ARHGAP10: variants seen among roughly 807,000 people sequenced by gnomAD.
ARHGAP10 encodes rho GTPase-activating protein 10.
ARHGAP10 carries 87 observed loss-of-function variants against 108.6 expected under a neutral mutation model. The ratio of observed to expected loss-of-function variants is 0.80; its 90% CI spans 0.67 to 0.96. ARHGAP10 has a LOEUF of 0.96. ARHGAP10 is among the 40% of genes least tolerant of loss of function. The probability of loss-of-function intolerance (pLI) is 0.00; values close to 1 mark genes in which losing one functional copy is unlikely to be tolerated. For missense variants in ARHGAP10, 939 were observed against 954.5 expected, an observed-to-expected ratio of 0.98 and a Z score of 0.21; for synonymous variants, 347 against 341.1, an observed-to-expected ratio of 1.02 and a Z score of -0.19.
intron 13 of ARHGAP10, among the ~76,000 whole-genome samples, chr4:147,919,942 G>A (rs964331022): frequency 9.2e-5 from 14 of 152,112 alleles, no homozygotes; most frequent in Admixed American, 4.6e-4. Context: ...ATTGGATGTG[G>A]ACTGGGAAGT....
chr4:147,808,692 G>T (rs907281388), intron 1 of ARHGAP10, among the ~76,000 whole-genome samples: 1 of 152,046 alleles, frequency 6.6e-6, no homozygotes, highest in Non-Finnish European at 1.5e-5. Context: ...AGCATGATTT[G>T]TCATAGAATG....
chr4:147,926,292 G>A (rs1737458656), intron 13 of ARHGAP10, among the ~76,000 whole-genome samples: 1 of 152,174 alleles, frequency 6.6e-6, no homozygotes, highest in African/African-American at 2.4e-5. Flanking sequence ...GCGGTTGCTT[G>A]AATTTGGGGA....
intron 13 of ARHGAP10, among the ~76,000 whole-genome samples, chr4:147,936,369 T>C (rs2575591): frequency 0.95 from 128,438 of 135,188 alleles, 61,011 homozygotes; most frequent in Admixed American, 0.97. Flanking sequence ...TCGCCCAGGC[T>C]GGACTGCGGA....
intron 13 of ARHGAP10, among the ~76,000 whole-genome samples, chr4:147,914,715 T>TA (rs1210356402): frequency 6.6e-6 from 1 of 152,232 alleles, no homozygotes; most frequent in East Asian, 1.9e-4. Flanking sequence ...TATTGCCTGG[T>TA]AGTATTCCAT....
At chr4:148,021,635 C>A (rs1741571638) in intron 18 of ARHGAP10, among the ~76,000 whole-genome samples, 1 of 152,108 alleles carries the variant, frequency 6.6e-6, no homozygotes, top group Non-Finnish European at 1.5e-5. Flanking sequence ...TGTTATCGGA[C>A]TTCTCAATTT....
At chr4:148,057,107 A>G (rs1729399275) in intron 20 of ARHGAP10, among the ~76,000 whole-genome samples, 1 of 152,198 alleles carries the variant, frequency 6.6e-6, no homozygotes, top group Admixed American at 6.5e-5. Context: ...CTCGTAAGTC[A>G]TTCGCTTCCT....
At chr4:147,803,278 G>A (rs1731653086) in intron 1 of ARHGAP10, among the ~76,000 whole-genome samples, 1 of 152,074 alleles carries the variant, frequency 6.6e-6, no homozygotes, top group South Asian at 2.1e-4. Context: ...CAAAGTGCTG[G>A]GATTACAGGC....
At position 148,032,705 on chromosome 4, in the gene ARHGAP10, G is replaced by A. The variant is rs1578809264; in HGVS notation, c.1867+9292G>A. Among the ~76,000 whole-genome samples the A allele has an allele frequency of 3.3e-5, 5 of 152,296 alleles. No homozygotes were observed. In the East Asian group the frequency reaches 9.6e-4, roughly 29 times the overall value. ...CCACAATAGGCCATCTGCAAGCTGA[G>A]GAGCAGGGAAGCTAGTCCAAGTCCC... On this transcript the variant is annotated intron_variant, in intron 19 of 22. Coordinates refer to ENST00000336498, the MANE Select transcript of ARHGAP10 (RefSeq NM_024605.4).
intron 13 of ARHGAP10, among the ~76,000 whole-genome samples, chr4:147,925,051 C>T (rs1737409566): frequency 6.6e-6 from 1 of 151,748 alleles, no homozygotes; most frequent in African/African-American, 2.4e-5. Context: ...TTATATGGCT[C>T]TTAGAACAAA....
At chr4:147,759,018 G>A (rs1579008575) in intron 1 of ARHGAP10, among the ~76,000 whole-genome samples, 1 of 148,940 alleles carries the variant, frequency 6.7e-6, no homozygotes. Flanking sequence ...TATTTTTTAT[G>A]CATCTACTTT....
At chr4:147,865,813 ACT>A (rs1734533463) in intron 6 of ARHGAP10, 1 of 152,146 alleles carries the variant, frequency 6.6e-6, no homozygotes, top group South Asian at 2.1e-4. Context: ...TTAGAGAAAA[ACT>A]CAACCTCCTC....
At chr4:147,964,869 G>A (rs781006090) in intron 16 of ARHGAP10, among the ~76,000 whole-genome samples, 155 bp from the exon 17 acceptor site, 3 of 152,096 alleles carry the variant, frequency 2.0e-5, no homozygotes, top group Non-Finnish European at 4.4e-5. Context: ...TCCTTTTAAC[G>A]GTGGCAAAAT....
intron 19 of ARHGAP10, among the ~76,000 whole-genome samples, chr4:148,026,324 A>G (rs911946579): frequency 6.6e-6 from 1 of 152,176 alleles, no homozygotes; most frequent in African/African-American, 2.4e-5. Flanking sequence ...TCACAGTAGG[A>G]TGGGCCTGGA....
intron 13 of ARHGAP10, among the ~76,000 whole-genome samples, chr4:147,935,708 G>A (rs1199679720): frequency 6.6e-6 from 1 of 152,176 alleles, no homozygotes; most frequent in Non-Finnish European, 1.5e-5. Context: ...TAGATAAAAA[G>A]TATGTTCCAG....
At chr4:147,893,450 TTC>T (rs1402925001) in intron 10 of ARHGAP10, among the ~76,000 whole-genome samples, 2 of 147,374 alleles carry the variant, frequency 1.4e-5, no homozygotes, top group East Asian at 1.9e-4. Context: ...TATATTATTA[TTC>T]TCTCTATATA....
intron 13 of ARHGAP10, among the ~76,000 whole-genome samples, chr4:147,926,857 C>A (rs921985643): frequency 2.0e-5 from 3 of 152,146 alleles, no homozygotes; most frequent in Non-Finnish European, 2.9e-5. Flanking sequence ...GAACAAGAAA[C>A]AACCATTGGG....
At chr4:148,023,647 G>T (rs1018478052) in intron 19 of ARHGAP10, among the ~76,000 whole-genome samples, 6 of 152,208 alleles carry the variant, frequency 3.9e-5, no homozygotes, top group African/African-American at 1.4e-4. Context: ...TTAAAAGACA[G>T]CTTAAATTTC....
chr4:147,786,968 A>T (rs893615189), intron 1 of ARHGAP10, among the ~76,000 whole-genome samples: 5 of 152,100 alleles, frequency 3.3e-5, no homozygotes, highest in African/African-American at 1.2e-4. Context: ...TTCATTTCTT[A>T]TCTCCACCTC....
chr4:147,758,294 A>T (rs896927462), intron 1 of ARHGAP10, among the ~76,000 whole-genome samples: 14 of 152,006 alleles, frequency 9.2e-5, no homozygotes, highest in Non-Finnish European at 1.8e-4. Context: ...TGATGTAGTT[A>T]TGTATGAATA....
Sources: allele counts gnomAD v4.1 joint callset (sites outside exome capture counted in the v4.1 genomes callset), GRCh38; gene constraint gnomAD v4.1.1; transcripts MANE v1.5; gene names NCBI Gene and HGNC (gene_info 2026-07-23, HGNC 2026-07-21).